PRKAA2: variants seen among roughly 807,000 people sequenced by gnomAD.
PRKAA2 encodes 5'-AMP-activated protein kinase catalytic subunit alpha-2.
In PRKAA2, 40 loss-of-function variants were observed where a neutral mutation model predicts 56.3. That is an observed-to-expected ratio of 0.71 (90% CI 0.55 to 0.92). PRKAA2 has a LOEUF of 0.92. PRKAA2 is among the 40% of genes least tolerant of loss of function. PRKAA2 has a pLI of 0.00. For synonymous variants in PRKAA2, 214 were observed against 234.2 expected (o/e 0.91, Z 0.79); for missense variants, 542 against 686.9 (o/e 0.79, Z 2.36).
At chr1:56,691,029 G>A (rs1455958059) in intron 2 of PRKAA2, among the ~76,000 whole-genome samples, 1 of 152,174 alleles carries the variant, frequency 6.6e-6, no homozygotes, top group African/African-American at 2.4e-5. Context: ...TTACAGGCAT[G>A]AGCCATAGTG....
Position 56,711,166 on chromosome 1 carries a change from T to C in PRKAA2, c.*3453T>C, listed in dbSNP as rs1376954991. Reference sequence around the variant, plus strand: ...GTCAGGGTATTGGCTATATGTAGCATGAACAATTCTCCATTTTCTGCAAAT... The same window carrying C: ...GTCAGGGTATTGGCTATATGTAGCACGAACAATTCTCCATTTTCTGCAAAT... On this transcript the variant is annotated 3_prime_UTR_variant, in exon 9 of 9. Transcript: ENST00000371244. 6.6e-6 allele frequency: 1 copy of C among 152,188 alleles called. No individual in the cohort carries two copies. The highest frequency in any genetic ancestry group is 2.4e-5 in the African/African-American group (1 of 41,468). The allele number at this position is 152,188 out of a possible 1,614,324, so 9.4% of individuals were successfully genotyped here. A position where few individuals can be genotyped will look rare whatever the true frequency, so the allele number is the denominator to read the frequency against.
At position 56,706,159 on chromosome 1, in the gene PRKAA2, G is replaced by A. The variant is rs1380749074; in HGVS notation, c.1361G>A (p.Ser454Asn). The A allele has an allele frequency of 3.1e-6, 5 of 1,613,682 alleles. No homozygotes were observed. In the Admixed American group the frequency reaches 6.7e-5, roughly 22 times the overall value. ...GTGACTGGCAATTACGTGAAAATGA[G>A]CTTACAACTTTACCTGGTTGATAAC... ...NPVTGNYVKMSLQLYLVDNRS... is the reference protein window; with the variant it reads ...NPVTGNYVKMNLQLYLVDNRS... The change falls in exon 8 of 9, where the codon AGC becomes AAC. Residue 454 changes from serine (S) to asparagine (N), a missense_variant. Ser to Asn is a conservative substitution (Grantham distance 46). This residue lies in a region of PRKAA2 where 158 missense variants were observed against 166.1 expected (regional missense o/e 0.95). Transcript: ENST00000371244.
intron 1 of PRKAA2, among the ~76,000 whole-genome samples, chr1:56,647,432 C>T (rs1367231628): frequency 6.6e-6 from 1 of 152,200 alleles, no homozygotes; most frequent in Non-Finnish European, 1.5e-5. Flanking sequence ...GTAGAATACT[C>T]ATCAGATCAA....
rs1553147177 is a variant in PRKAA2 at position 56,658,597 on chromosome 1, C to CG, written c.94+13117dup. ...TGTTTTTTTTTTTCTTCCCCCCCCC[C>CG]GCCATTTTTTGTTTGTTTGTTTGTT... On this transcript the variant is annotated intron_variant, in intron 1 of 8. Transcript: ENST00000371244. Among the ~76,000 whole-genome samples the CG allele has an allele frequency of 3.5e-5, 5 of 144,376 alleles. No homozygotes were observed. The East Asian group carries it at 1.1e-3, about 33-fold the overall frequency. The allele number at this position is 144,376 out of a possible 152,430, so 94.7% of individuals were successfully genotyped here. A position where few individuals can be genotyped will look rare whatever the true frequency, so the allele number is the denominator to read the frequency against.
intron 1 of PRKAA2, among the ~76,000 whole-genome samples, chr1:56,671,808 C>G (rs904639572): frequency 6.6e-6 from 1 of 152,174 alleles, no homozygotes; most frequent in African/African-American, 2.4e-5. Context: ...TTTAGCTCCT[C>G]TGTGCCTCAG....
chr1:56,692,364 G>A lies in PRKAA2; in HGVS notation c.337G>A (p.Glu113Lys). Residue 113 changes from glutamate (E) to lysine (K), a missense_variant, in exon 4 of 9, where the codon GAG becomes AAG. By Grantham distance (56) the Glu-to-Lys change is moderately conservative (BLOSUM62 1). This residue lies in a region of PRKAA2 where 121 missense variants were observed against 210.0 expected (regional missense o/e 0.58). Coordinates refer to ENST00000371244, the MANE Select transcript of PRKAA2 (RefSeq NM_006252.4). ...TTTCTTTTGTGCTTGATAGGTTGAA[G>A]AGATGGAAGCCAGGCGGCTCTTTCA... ...DYICKHGRVEEMEARRLFQQI... is the reference protein window; with the variant it reads ...DYICKHGRVEKMEARRLFQQI... 1.2e-6 allele frequency: 2 copies of A among 1,613,964 alleles called. No individual in the cohort carries two copies. The highest frequency in any genetic ancestry group is 1.7e-6 in the Non-Finnish European group (2 of 1,179,960).
chr1:56,687,071 A>G (rs1644196286), intron 2 of PRKAA2, among the ~76,000 whole-genome samples: 1 of 151,910 alleles, frequency 6.6e-6, no homozygotes, highest in African/African-American at 2.4e-5. Flanking sequence ...TTTAGTAGAC[A>G]TGGGGTTTCT....
At chr1:56,669,381 C>T (rs991694818) in intron 1 of PRKAA2, among the ~76,000 whole-genome samples, 2 of 151,908 alleles carry the variant, frequency 1.3e-5, no homozygotes, top group Non-Finnish European at 1.5e-5. Context: ...ATCACTTGAA[C>T]CCGGGAGGCA....
intron 1 of PRKAA2, among the ~76,000 whole-genome samples, chr1:56,667,313 T>C (rs2100397065): frequency 1.3e-5 from 2 of 152,214 alleles, no homozygotes; most frequent in Middle Eastern, 3.4e-3. Flanking sequence ...TTCAGACTGT[T>C]TAGGGTCGTG....
chr1:56,673,107 T>C (rs1569743225), intron 1 of PRKAA2, among the ~76,000 whole-genome samples: 1 of 152,006 alleles, frequency 6.6e-6, no homozygotes, highest in Middle Eastern at 3.4e-3. Flanking sequence ...GAAATTGGGG[T>C]TCACCTGTAA....
chr1:56,647,104 C>A (rs529649699), intron 1 of PRKAA2, among the ~76,000 whole-genome samples: 63 of 152,238 alleles, frequency 4.1e-4, no homozygotes, highest in South Asian at 8.3e-4. Context: ...TTGTAAAATT[C>A]TTTGCTGTCC....
At chr1:56,681,609 G>A (rs1201503322) in intron 2 of PRKAA2, among the ~76,000 whole-genome samples, 2 of 152,192 alleles carry the variant, frequency 1.3e-5, no homozygotes, top group African/African-American at 4.8e-5. Context: ...TTTTTAAATA[G>A]GGAATCCTTT....
rs1056612064 is a variant in PRKAA2 at position 56,709,924 on chromosome 1, T to G, written c.*2211T>G. On this transcript the variant is annotated 3_prime_UTR_variant, in exon 9 of 9. Transcript: ENST00000371244. ...ACCTACTGAATTTTAGGAGAACTAA[T>G]GGTCACAGTTTGGGTTCTTTTATGT... The G allele has an allele frequency of 2.0e-5, 3 of 152,156 alleles. No individual in the cohort carries two copies. The highest frequency in any genetic ancestry group is 4.4e-5 in the Non-Finnish European group (3 of 68,006). 9.4% of individuals were successfully genotyped at this position (152,156 alleles called of 1,614,324 possible).
At chr1:56,693,951 G>C in intron 5 of PRKAA2, 99 bp downstream of exon 5, 2 of 764,328 alleles carry the variant, frequency 2.6e-6, no homozygotes, top group South Asian at 5.6e-5. Flanking sequence ...TTTTAACATG[G>C]TAGAAATGGA....
At chr1:56,651,946 A>G (rs1643902125) in intron 1 of PRKAA2, among the ~76,000 whole-genome samples, 1 of 148,944 alleles carries the variant, frequency 6.7e-6, no homozygotes. Flanking sequence ...GGTTCACGCC[A>G]TTCTCTTGCC....
intron 2 of PRKAA2, among the ~76,000 whole-genome samples, chr1:56,681,070 T>C (rs1346638478): frequency 2.6e-5 from 4 of 152,234 alleles, no homozygotes; most frequent in Non-Finnish European, 4.4e-5. Flanking sequence ...TGAGATGGTG[T>C]CTCATTGTGG....
rs1644354242 is a variant in PRKAA2, at chr1:56,709,282, C to G, written c.*1569C>G. 1 of 152,104 alleles carries G rather than the reference C, an allele frequency of 6.6e-6. No homozygotes were observed. Among genetic ancestry groups the G allele is most frequent in the South Asian group, 2.1e-4 (1 of 4,824 alleles). 9.4% of individuals were successfully genotyped at this position (152,104 alleles called of 1,614,324 possible). A position where few individuals can be genotyped will look rare whatever the true frequency, so the allele number is the denominator to read the frequency against. ...GTTAGTGGAAAACAAGTGTGTCTAT[C>G]TTTAAATATTCTTTGAATCAGGAGT... is the stretch of plus-strand genomic sequence containing the variant. On this transcript the variant is annotated 3_prime_UTR_variant, in exon 9 of 9. Transcript: ENST00000371244.
intron 2 of PRKAA2, among the ~76,000 whole-genome samples, chr1:56,691,130 T>C (rs1167469946): frequency 1.3e-5 from 2 of 152,158 alleles, no homozygotes; most frequent in Non-Finnish European, 1.5e-5. Context: ...ATGGAAAAAT[T>C]AGTTGTTGAA....
In PRKAA2 at chr1:56,660,454, C is replaced by T. The variant is rs536924314; in HGVS notation, c.95-13927C>T. Among the ~76,000 whole-genome samples the T allele has an allele frequency of 3.3e-5, 5 of 152,240 alleles. No homozygotes were observed. The East Asian group carries it at 9.7e-4, about 29-fold the overall frequency. ...TCTGATCCATACAAAGGCCACAGCCCTACCCCAGCCTTACTCTCTAACTGA... is the reference window on the plus strand; with the variant it reads ...TCTGATCCATACAAAGGCCACAGCCTTACCCCAGCCTTACTCTCTAACTGA... On this transcript the variant is annotated intron_variant, in intron 1 of 8. Coordinates refer to ENST00000371244, the MANE Select transcript of PRKAA2 (RefSeq NM_006252.4).
Sources: gnomAD v4.1 joint callset for allele counts (sites outside exome capture counted in the v4.1 genomes callset) on GRCh38, gnomAD v4.1.1 for gene constraint, gnomAD v4.1.1 regional missense constraint, MANE v1.5 for transcripts, NCBI Gene and HGNC (gene_info 2026-07-23, HGNC 2026-07-21) for gene names.